TNFSF4: variants seen among roughly 807,000 people sequenced by gnomAD.
The protein encoded by TNFSF4 is tumor necrosis factor ligand superfamily member 4.
A neutral mutation model predicts 7.3 loss-of-function variants in TNFSF4; 4 were observed. The observed-to-expected ratio is 0.55, with a 90% CI of 0.27 to 1.25. The LOEUF is 1.25. Among genes scored for constraint, TNFSF4 ranks in the 50% most tolerant of loss-of-function variants. TNFSF4 has a pLI of 0.12. For missense variants in TNFSF4, 181 were observed against 208.8 expected (o/e 0.87, Z 0.82); for synonymous variants, 76 against 83.7 (o/e 0.91, Z 0.50).
the TNFSF4 span, among the ~76,000 whole-genome samples, chr1:173,264,689 A>T: frequency 6.6e-6 from 1 of 152,236 alleles, no homozygotes; most frequent in Non-Finnish European, 1.5e-5. Context: ...GTTAATATGC[A>T]TTCCTGTAAC....
chr1:173,226,255 T>C, the TNFSF4 span, among the ~76,000 whole-genome samples: 1 of 152,214 alleles, frequency 6.6e-6, no homozygotes, highest in African/African-American at 2.4e-5. Flanking sequence ...GCTAGAGACA[T>C]TTCCCAGATT....
the TNFSF4 span, among the ~76,000 whole-genome samples, chr1:173,221,159 C>A: frequency 6.6e-6 from 1 of 152,124 alleles, no homozygotes; most frequent in Non-Finnish European, 1.5e-5. Context: ...GTGGCTACAG[C>A]AGAGTAAAGC....
chr1:173,351,052 A>T, the TNFSF4 span, among the ~76,000 whole-genome samples: 2 of 152,342 alleles, frequency 1.3e-5, no homozygotes, highest in South Asian at 2.1e-4. Context: ...TGGCTAAAAA[A>T]TACTAATAAT....
the TNFSF4 span, chr1:173,174,165 G>A: frequency 6.6e-6 from 1 of 152,222 alleles, no homozygotes. Flanking sequence ...CATAGCAAGA[G>A]TGACCTTTAC....
chr1:173,275,579 G>A, the TNFSF4 span, among the ~76,000 whole-genome samples: 1 of 152,148 alleles, frequency 6.6e-6, no homozygotes, highest in Non-Finnish European at 1.5e-5. Flanking sequence ...CCAACAGCAG[G>A]TGAGACCACT....
the TNFSF4 span, among the ~76,000 whole-genome samples, chr1:173,282,078 TG>T: frequency 6.6e-6 from 1 of 152,182 alleles, no homozygotes; most frequent in Non-Finnish European, 1.5e-5. Context: ...TATTGGTTGA[TG>T]GGTACAAAAA....
At chr1:173,177,149 G>A in the TNFSF4 span, among the ~76,000 whole-genome samples, 1 of 151,982 alleles carries the variant, frequency 6.6e-6, no homozygotes, top group African/African-American at 2.4e-5. Context: ...GGTTGAAAAG[G>A]TAAATTTTAT....
chr1:173,215,143 G>A, the TNFSF4 span, among the ~76,000 whole-genome samples: 1 of 152,124 alleles, frequency 6.6e-6, no homozygotes, highest in Admixed American at 6.6e-5. Flanking sequence ...GAGACCTTGA[G>A]CCATCTCTCT....
At chr1:173,401,469 A>G in the TNFSF4 span, among the ~76,000 whole-genome samples, 7 of 152,306 alleles carry the variant, frequency 4.6e-5, no homozygotes, top group East Asian at 3.9e-4. Context: ...GTCCTCCCCA[A>G]TGAGGACTGA....
the TNFSF4 span, among the ~76,000 whole-genome samples, chr1:173,436,373 A>G: frequency 3.3e-5 from 5 of 152,196 alleles, no homozygotes; most frequent in Admixed American, 6.5e-5. Context: ...AAGGTCTTAC[A>G]TGACAACTCC....
At chr1:173,175,336 A>C in the TNFSF4 span, 9 of 152,370 alleles carry the variant, frequency 5.9e-5, no homozygotes, top group Admixed American at 5.9e-4. Context: ...TATTTCTCTC[A>C]GATTCCCCAG....
the TNFSF4 span, among the ~76,000 whole-genome samples, chr1:173,354,300 G>A: frequency 3.3e-5 from 5 of 152,226 alleles, no homozygotes; most frequent in East Asian, 5.8e-4. Flanking sequence ...GGAAGACATT[G>A]AATCTCTGAA....
At chr1:173,332,725 C>T in the TNFSF4 span, among the ~76,000 whole-genome samples, 43 of 147,984 alleles carry the variant, frequency 2.9e-4, no homozygotes, top group East Asian at 6.2e-4. Flanking sequence ...CGTGGTGGCA[C>T]GCACCTGCAG....
At chr1:173,298,173 T>C in the TNFSF4 span, among the ~76,000 whole-genome samples, 1 of 151,834 alleles carries the variant, frequency 6.6e-6, no homozygotes, top group Admixed American at 6.6e-5. Flanking sequence ...GAACACCCAC[T>C]TGCTTTCAGA....
At chr1:173,358,348 T>G in the TNFSF4 span, among the ~76,000 whole-genome samples, 301 of 152,258 alleles carry the variant, frequency 2.0e-3, 2 homozygotes, top group African/African-American at 6.9e-3. Flanking sequence ...TAAAATACCA[T>G]GCATCTTTCA....
the TNFSF4 span, among the ~76,000 whole-genome samples, chr1:173,372,481 T>C: frequency 6.6e-6 from 1 of 151,946 alleles, no homozygotes; most frequent in Non-Finnish European, 1.5e-5. Context: ...GCTCTTGGAG[T>C]CCTTACTCAG....
chr1:173,201,262 T>A (rs1571200655), intron 1 of TNFSF4, among the ~76,000 whole-genome samples: 1 of 152,204 alleles, frequency 6.6e-6, no homozygotes, highest in Non-Finnish European at 1.5e-5. Flanking sequence ...TGCTCTCTAA[T>A]GCACCCATGA....
the TNFSF4 span, among the ~76,000 whole-genome samples, chr1:173,408,365 C>A: frequency 6.6e-6 from 1 of 151,754 alleles, no homozygotes; most frequent in Non-Finnish European, 1.5e-5. Flanking sequence ...AGATTAGAAC[C>A]CAATAGATAA....
the TNFSF4 span, among the ~76,000 whole-genome samples, chr1:173,244,458 C>A: frequency 2.6e-5 from 4 of 151,402 alleles, no homozygotes; most frequent in Admixed American, 6.6e-5. Flanking sequence ...CCGGCTAAAA[C>A]GGTGAAACCC....
Sources: allele counts gnomAD v4.1 joint callset (sites outside exome capture counted in the v4.1 genomes callset), GRCh38; gene constraint gnomAD v4.1.1; transcripts MANE v1.5; gene names NCBI Gene and HGNC (gene_info 2026-07-23, HGNC 2026-07-21).